The following PATJ variants were observed in gnomAD, a reference collection of about 807,000 sequenced individuals.
The protein encoded by PATJ is PATJ crumbs cell polarity complex component.
Under a neutral mutation model 224.9 loss-of-function variants are expected in PATJ, and 190 were observed. The ratio of observed to expected loss-of-function variants is 0.84; its 90% CI spans 0.75 to 0.95. PATJ has a LOEUF of 0.95. Ranked by LOEUF, PATJ falls within the 40% of genes least tolerant of loss-of-function variation. The probability of loss-of-function intolerance (pLI) is 0.00; values close to 1 mark genes in which losing one functional copy is unlikely to be tolerated. For missense variants in PATJ, 2,121 were observed against 2,270.3 expected (o/e 0.93, Z 1.34); for synonymous variants, 769 against 820.3 (o/e 0.94, Z 1.07).
At chr1:62,132,669 G>A (rs1037795513) in intron 41 of PATJ, among the ~76,000 whole-genome samples, 10 of 152,120 alleles carry the variant, frequency 6.6e-5, no homozygotes, top group African/African-American at 1.9e-4. Flanking sequence ...TTGGGAGGTC[G>A]AGGCTGGCAG....
intron 29 of PATJ, among the ~76,000 whole-genome samples, chr1:62,022,062 T>C (rs546326201): frequency 1.3e-5 from 2 of 152,286 alleles, no homozygotes; most frequent in African/African-American, 4.8e-5. Flanking sequence ...GTATTGACAA[T>C]TGAGATGGAA....
At chr1:62,053,776 A>C (rs889587736) in intron 31 of PATJ, among the ~76,000 whole-genome samples, 10 of 152,196 alleles carry the variant, frequency 6.6e-5, no homozygotes, top group African/African-American at 1.9e-4. Flanking sequence ...CAGTTTCCTC[A>C]GCTGAGGAAT....
In PATJ at chr1:62,086,236, G is replaced by A. The variant is rs1008045753; in HGVS notation, c.4377+1588G>A. ...ATGTGATTAATTAATGCATGTGTGT[G>A]TGTGTGTATGTGTGTGTGTGTGTTT... On this transcript the variant is annotated intron_variant, in intron 33 of 43. Transcript: ENST00000642238. This position sits in a 1 kb window ranked among gnomAD's most constrained non-coding sequence, Gnocchi z 4.0. Among the ~76,000 whole-genome samples the A allele has an allele frequency of 1.3e-4, 19 of 151,990 alleles. No individual in the cohort carries two copies. The highest frequency in any genetic ancestry group is 2.6e-4 in the Non-Finnish European group (18 of 67,986).
chr1:62,000,424 A>G (rs1419012184), intron 28 of PATJ, among the ~76,000 whole-genome samples: 2 of 134,580 alleles, frequency 1.5e-5, no homozygotes, highest in Non-Finnish European at 1.5e-5. Context: ...TTCAATTCCC[A>G]TCTATGAGTG....
chr1:62,009,509 T>C (rs867435863), intron 28 of PATJ, among the ~76,000 whole-genome samples: 1 of 152,162 alleles, frequency 6.6e-6, no homozygotes, highest in Non-Finnish European at 1.5e-5. Flanking sequence ...CTCGCCTCCA[T>C]GTTGATGGTT....
intron 17 of PATJ, among the ~76,000 whole-genome samples, chr1:61,835,311 T>C (rs573674696): frequency 6.6e-6 from 1 of 152,316 alleles, no homozygotes; most frequent in East Asian, 1.9e-4. Context: ...AGCTATATTA[T>C]CTAGAACCAC....
intron 23 of PATJ, among the ~76,000 whole-genome samples, chr1:61,900,573 A>G (rs1378192944): frequency 7.7e-6 from 1 of 129,332 alleles, no homozygotes; most frequent in Non-Finnish European, 1.6e-5. Context: ...GAAATGACAT[A>G]TGTGGCTTTC....
intron 26 of PATJ, among the ~76,000 whole-genome samples, chr1:61,923,763 C>CA (rs56041106): frequency 2.0e-5 from 3 of 150,964 alleles, no homozygotes; most frequent in African/African-American, 4.9e-5. Flanking sequence ...ACTAAAAATA[C>CA]AAAAAAAAAT....
intron 26 of PATJ, among the ~76,000 whole-genome samples, chr1:61,920,759 G>T (rs1425151063): frequency 7.0e-6 from 1 of 142,748 alleles, no homozygotes; most frequent in East Asian, 2.0e-4. Context: ...CCAGGCTGGA[G>T]TGCAGTGGAG....
chr1:61,990,355 A>ACT lies in PATJ; in HGVS notation c.3861_3862dup (p.Leu1288SerfsTer2). 1 of 1,611,862 alleles carries ACT rather than the reference A, an allele frequency of 6.2e-7. No homozygotes were observed. Among genetic ancestry groups the ACT allele is most frequent in the South Asian group, 1.1e-5 (1 of 90,340 alleles). ...ATGGACGAATGCGTATTGGAGATGAACTCTTAGAGGTGAGAAGCATGTGTT... is the reference window on the plus strand; with the variant it reads ...ATGGACGAATGCGTATTGGAGATGAACTCTCTTAGAGGTGAGAAGCATGTGTT... On this transcript the variant is annotated frameshift_variant, in exon 28 of 44. Coordinates refer to ENST00000642238, the MANE Select transcript of PATJ (RefSeq NM_001350145.3). LOFTEE classifies it high-confidence loss of function.
At chr1:61,910,941 G>A (rs1209478170) in intron 25 of PATJ, among the ~76,000 whole-genome samples, 1 of 152,068 alleles carries the variant, frequency 6.6e-6, no homozygotes, top group East Asian at 1.9e-4. Context: ...ACTTATTATT[G>A]CAAGTAGTAC....
At chr1:62,127,194 T>C (rs72677961) in intron 39 of PATJ, among the ~76,000 whole-genome samples, 7,055 of 152,246 alleles carry the variant, frequency 0.046, 183 homozygotes, top group African/African-American at 0.058. Context: ...TTTGAGATAA[T>C]TATCCTTGGC....
At chr1:61,816,042 AG>A (rs1656041181) in intron 14 of PATJ, among the ~76,000 whole-genome samples, 1 of 152,214 alleles carries the variant, frequency 6.6e-6, no homozygotes, top group Non-Finnish European at 1.5e-5. Flanking sequence ...CAAAAACACC[AG>A]GTCCTGCTCT....
intron 22 of PATJ, among the ~76,000 whole-genome samples, chr1:61,884,746 C>G (rs1226038841): frequency 6.6e-6 from 1 of 151,922 alleles, no homozygotes; most frequent in African/African-American, 2.4e-5. Context: ...TACAGGAATC[C>G]CTTGACTCAT....
intron 17 of PATJ, among the ~76,000 whole-genome samples, chr1:61,845,720 C>T (rs1305456898): frequency 1.3e-5 from 2 of 152,158 alleles, no homozygotes; most frequent in Non-Finnish European, 2.9e-5. Context: ...AAGAGCAAAA[C>T]ACTGCAGAAT....
At chr1:62,110,581 A>G (rs966736644) in intron 34 of PATJ, among the ~76,000 whole-genome samples, 2 of 152,188 alleles carry the variant, frequency 1.3e-5, no homozygotes, top group Non-Finnish European at 2.9e-5. Context: ...TGATTCTATT[A>G]ATATGATGAG....
intron 25 of PATJ, among the ~76,000 whole-genome samples, chr1:61,911,103 A>G (rs1672569089): frequency 6.6e-6 from 1 of 152,216 alleles, no homozygotes; most frequent in Non-Finnish European, 1.5e-5. Context: ...TGGTCACATA[A>G]ACATTCTCCT....
At chr1:61,886,815 A>G (rs28667186) in intron 22 of PATJ, among the ~76,000 whole-genome samples, 32,303 of 58,496 alleles carry the variant, frequency 0.55, 6,725 homozygotes, top group Non-Finnish European at 0.62. Flanking sequence ...GCAAGACCCC[A>G]TCTCAAAAAA....
At chr1:62,102,056 G>C (rs1228050141) in intron 33 of PATJ, among the ~76,000 whole-genome samples, 1 of 152,152 alleles carries the variant, frequency 6.6e-6, no homozygotes, top group African/African-American at 2.4e-5. Context: ...ACATGTGCCT[G>C]AAGTGCTAAC....
Sources: allele counts gnomAD v4.1 joint callset (sites outside exome capture counted in the v4.1 genomes callset), GRCh38; gene constraint gnomAD v4.1.1; non-coding constraint Gnocchi (gnomAD v3.1); transcripts MANE v1.5; gene names NCBI Gene and HGNC (gene_info 2026-07-23, HGNC 2026-07-21).